TMEM116: variants seen among roughly 807,000 people sequenced by gnomAD.
The protein encoded by TMEM116 is transmembrane protein 116.
TMEM116 carries 38 observed loss-of-function variants against 44.3 expected under a neutral mutation model. The ratio of observed to expected loss-of-function variants is 0.86; its 90% confidence interval spans 0.66 to 1.12. TMEM116 has a LOEUF of 1.12. Ranked by LOEUF, TMEM116 falls within the 50% of genes most tolerant of loss-of-function variation. The pLI is 0.00. For synonymous variants in TMEM116, 132 were observed against 144.8 expected (o/e 0.91, Z 0.64); for missense variants, 354 against 401.7 (o/e 0.88, Z 1.01).
At chr12:111,968,538 A>G (rs1004437863) in intron 4 of TMEM116, among the ~76,000 whole-genome samples, 4 of 152,246 alleles carry the variant, frequency 2.6e-5, no homozygotes, top group Admixed American at 1.3e-4. Context: ...CATACAAAGA[A>G]AAAGGAAAAC....
intron 4 of TMEM116, among the ~76,000 whole-genome samples, chr12:111,944,079 A>G (rs1045579537): frequency 6.6e-6 from 1 of 152,102 alleles, no homozygotes; most frequent in African/African-American, 2.4e-5. Context: ...AGAACTAAAC[A>G]TGCTGAATAA....
At chr12:112,005,113 T>C (rs1324863421) in intron 2 of TMEM116, 144 bp downstream of exon 2, 7 of 534,928 alleles carry the variant, frequency 1.3e-5, no homozygotes, top group South Asian at 1.3e-4. Flanking sequence ...ACTTTATTAG[T>C]AAGAAAATAT....
intron 4 of TMEM116, chr12:111,965,691 C>T (rs1466700937): frequency 2.6e-6 from 1 of 377,760 alleles, no homozygotes; most frequent in South Asian, 1.9e-5. Context: ...TTGGGAGGCC[C>T]AAGCGGTGAA....
intron 4 of TMEM116, among the ~76,000 whole-genome samples, chr12:111,964,643 A>G (rs552006526): frequency 8.5e-5 from 13 of 152,294 alleles, no homozygotes; most frequent in African/African-American, 3.1e-4. Flanking sequence ...AATAACTGCT[A>G]ACCGTATTCC....
At chr12:111,942,104 A>G (rs2072877696) in intron 5 of TMEM116, among the ~76,000 whole-genome samples, 1 of 151,382 alleles carries the variant, frequency 6.6e-6, no homozygotes, top group African/African-American at 2.4e-5. Flanking sequence ...ATGCCTGGCT[A>G]ATTTTGTATT....
At chr12:111,974,654 C>CAAAAA (rs1203582338) in intron 4 of TMEM116, among the ~76,000 whole-genome samples, 6 of 45,086 alleles carry the variant, frequency 1.3e-4, no homozygotes, top group Admixed American at 5.0e-4. Context: ...GACTCTGTCG[C>CAAAAA]AAAAAAAAAA....
chr12:111,969,413 T>C (rs2075194631), intron 4 of TMEM116, among the ~76,000 whole-genome samples: 1 of 152,004 alleles, frequency 6.6e-6, no homozygotes, highest in Non-Finnish European at 1.5e-5. Flanking sequence ...TTTATTTTTT[T>C]TTTTTGAGAT....
intron 1 of TMEM116, among the ~76,000 whole-genome samples, chr12:112,006,453 A>T (rs1008686663): frequency 6.6e-6 from 1 of 152,216 alleles, no homozygotes; most frequent in African/African-American, 2.4e-5. Context: ...GAAAAGAGAG[A>T]TTGCATATTC....
chr12:111,969,688 C>T (rs1055347604), intron 4 of TMEM116, among the ~76,000 whole-genome samples: 9 of 152,160 alleles, frequency 5.9e-5, no homozygotes, highest in African/African-American at 2.2e-4. Flanking sequence ...CGCCATTCTC[C>T]TGCCTCAGCC....
Position 111,931,739 on chromosome 12 carries a change from C to A in TMEM116, c.896G>T (p.Arg299Leu), listed in dbSNP as rs375840968. Residue 299 changes from arginine (R) to leucine (L), a missense_variant, in exon 11 of 11, where the codon CGG becomes CTG. Physicochemically the swap from Arg to Leu is moderately radical, Grantham distance 102. Coordinates refer to ENST00000552374, the MANE Select transcript of TMEM116 (RefSeq NM_001193531.2). ...HKFHQLKQEA[R>L]RDADTQTPLL... ...TGGTGTCTGGGTATCTGCATCACGC[C>A]GAGCCTCCTGCTTTAGTTGGTGGAA... The A allele has an allele frequency of 1.2e-6, 2 of 1,611,594 alleles. No individual in the cohort carries two copies. The highest frequency in any genetic ancestry group is 1.7e-6 in the Non-Finnish European group (2 of 1,178,926).
chr12:112,009,644 C>T (rs1231043537), intron 1 of TMEM116, among the ~76,000 whole-genome samples: 1 of 151,024 alleles, frequency 6.6e-6, no homozygotes, highest in African/African-American at 2.4e-5. Context: ...TCAAGATGAG[C>T]CTGGCCAACA....
chr12:111,931,852 AGCC>A (rs1243842429), intron 10 of TMEM116, 25 bp from the exon 11 acceptor site: 1 of 1,467,282 alleles, frequency 6.8e-7, no homozygotes, highest in African/African-American at 1.4e-5. Context: ...GGGGTGATGC[AGCC>A]CATGCTTCAG....
Position 111,931,841 on chromosome 12 carries a change from AG to A in TMEM116, c.808-15del, listed in dbSNP as rs2071671328. The A allele has an allele frequency of 2.0e-6, 3 of 1,492,074 alleles. No homozygotes were observed. The highest frequency in any genetic ancestry group is 2.7e-6 in the Non-Finnish European group (3 of 1,122,600). The allele number at this position is 1,492,074 out of a possible 1,614,324, so 92.4% of individuals were successfully genotyped here. ...TGCCGTTAGAGCCTGGAGGAGATGAAGGGGTGATGCAGCCCATGCTTCAGGT... is the reference window on the plus strand; with the variant it reads ...TGCCGTTAGAGCCTGGAGGAGATGAAGGGTGATGCAGCCCATGCTTCAGGT... On this transcript the variant is annotated splice_polypyrimidine_tract_variant and intron_variant, in intron 10 of 10. Coordinates refer to ENST00000552374, the MANE Select transcript of TMEM116 (RefSeq NM_001193531.2).
rs1237906041 is a variant in TMEM116, at chr12:111,937,155, C to G, written c.449+5G>C. 1.9e-6 allele frequency: 3 copies of G among 1,608,140 alleles called. No homozygotes were observed. Among genetic ancestry groups the G allele is most frequent in the Non-Finnish European group, 2.6e-6 (3 of 1,174,712 alleles). ...ATGAAAATTATACATTTAGTTCTTA[C>G]TTACTTGTGGCTCTGACTGAAGTTT... On this transcript the variant is annotated splice_donor_5th_base_variant and intron_variant, in intron 7 of 10. Coordinates refer to ENST00000552374, the MANE Select transcript of TMEM116 (RefSeq NM_001193531.2).
Position 111,932,698 on chromosome 12 carries a change from G to A in TMEM116, c.734-39C>T, listed in dbSNP as rs758177860. On this transcript the variant is annotated intron_variant, in intron 9 of 10. Coordinates refer to ENST00000552374, the MANE Select transcript of TMEM116 (RefSeq NM_001193531.2). The stretch of plus-strand genomic sequence containing the variant: ...AAGTGTAAACCTTCTTGTCAGCCCT[G>A]ACTGTCTGAAGTATCAGGTTCCTCC... 7 of 1,553,176 alleles carry A rather than the reference G, an allele frequency of 4.5e-6. No homozygotes were observed. The South Asian group carries it at 7.8e-5, about 17-fold the overall frequency.
chr12:111,963,049 CAT>C (rs552128011), intron 4 of TMEM116, among the ~76,000 whole-genome samples: 2,049 of 152,174 alleles, frequency 0.013, 37 homozygotes, highest in African/African-American at 0.047. Context: ...AGCCAACAAA[CAT>C]ATGAAAAAAA....
intron 3 of TMEM116, among the ~76,000 whole-genome samples, chr12:111,994,911 C>T (rs1807504808): frequency 1.3e-5 from 2 of 152,162 alleles, no homozygotes; most frequent in Admixed American, 1.3e-4. Flanking sequence ...AACAAGCGCC[C>T]CTCATGTGTC....
At chr12:111,943,691 C>T (rs1012711364) in intron 4 of TMEM116, among the ~76,000 whole-genome samples, 7 of 152,132 alleles carry the variant, frequency 4.6e-5, no homozygotes, top group Non-Finnish European at 4.4e-5. Flanking sequence ...CGTGCCACTA[C>T]GCCCCGCTAA....
chr12:111,952,019 A>G (rs1352901704), intron 4 of TMEM116, among the ~76,000 whole-genome samples: 1 of 152,092 alleles, frequency 6.6e-6, no homozygotes, highest in Non-Finnish European at 1.5e-5. Flanking sequence ...CCATGAGGTC[A>G]GGAGATCGAG....
Sources: gnomAD v4.1 joint callset for allele counts (sites outside exome capture counted in the v4.1 genomes callset) on GRCh38, gnomAD v4.1.1 for gene constraint, MANE v1.5 for transcripts, NCBI Gene and HGNC (gene_info 2026-07-23, HGNC 2026-07-21) for gene names.